The following TRA2B variants were observed in gnomAD, a reference collection of about 807,000 sequenced individuals.
TRA2B encodes the protein transformer-2 protein homolog beta.
TRA2B carries 14 observed loss-of-function variants against 41.7 expected under a neutral mutation model. The observed-to-expected ratio is 0.34, with a 90% CI of 0.22 to 0.53. TRA2B has a LOEUF of 0.53. Among genes scored for constraint, TRA2B ranks in the 20% least tolerant of loss-of-function variants. TRA2B has a pLI of 0.95. For synonymous variants in TRA2B, 130 were observed against 128.8 expected, an observed-to-expected ratio of 1.01 and a Z score of -0.06; for missense variants, 167 against 396.8, an observed-to-expected ratio of 0.42 and a Z score of 4.92.
intron 1 of TRA2B, chr3:185,937,137 GCAT>G (rs1744393863): frequency 1.0e-6 from 1 of 985,430 alleles, no homozygotes. Context: ...AGCCCTTTCG[GCAT>G]CAGAGAAAAG....
At position 185,914,711 on chromosome 3, in the gene TRA2B, G is replaced by C. The variant is rs1743443469; in HGVS notation, c.*3004C>G. On this transcript the variant is annotated 3_prime_UTR_variant, in exon 9 of 9. Coordinates refer to ENST00000453386, the MANE Select transcript of TRA2B (RefSeq NM_004593.3). ...TAGCATTAAGTCCAATCCTACAAGA[G>C]CCAATCAAAATCCACTGAGATGGCA... Among the ~76,000 whole-genome samples the C allele has an allele frequency of 6.6e-6, 1 of 152,108 alleles. No homozygotes were observed. The highest frequency in any genetic ancestry group is 6.6e-5 in the Admixed American group (1 of 15,266).
intron 1 of TRA2B, chr3:185,927,957 A>G (rs567674470): frequency 6.6e-6 from 1 of 152,342 alleles, no homozygotes; most frequent in East Asian, 1.9e-4. Flanking sequence ...CAGAAATGGC[A>G]AGACTCAAAA....
At chr3:185,933,383 A>G (rs1490372268) in intron 1 of TRA2B, among the ~76,000 whole-genome samples, 1 of 152,212 alleles carries the variant, frequency 6.6e-6, no homozygotes, top group Non-Finnish European at 1.5e-5. Flanking sequence ...TACTTTATAA[A>G]ACCAGAAGAT....
chr3:185,926,322 C>G (rs928904593), intron 2 of TRA2B, among the ~76,000 whole-genome samples: 1 of 149,766 alleles, frequency 6.7e-6, no homozygotes, highest in Non-Finnish European at 1.5e-5. Context: ...CTCACAACAA[C>G]CCTGAAGAAC....
Position 185,918,447 on chromosome 3 carries a change from A to C in TRA2B, c.783-9T>G, listed in dbSNP as rs756469772. ...GAGAAGGTGACCGCCTTCTATAAAC[A>C]AATGTCAAGATTGTCTAAGTCTCAA... On this transcript the variant is annotated splice_polypyrimidine_tract_variant and intron_variant, in intron 7 of 8. Transcript: ENST00000453386. The C allele has an allele frequency of 1.9e-6, 3 of 1,603,048 alleles. No individual in the cohort carries two copies. In the South Asian group the frequency reaches 3.3e-5, roughly 18 times the overall value.
rs1212120174 is a variant in TRA2B, at chr3:185,936,753, T to C, written c.36+1072A>G. The C allele has an allele frequency of 3.0e-6, 3 of 985,144 alleles. No homozygotes were observed. The African/African-American group carries it at 5.2e-5, about 17-fold the overall frequency. 61.0% of individuals were successfully genotyped at this position (985,144 alleles called of 1,614,324 possible). A position where few individuals can be genotyped will look rare whatever the true frequency, so the allele number is the denominator to read the frequency against. ...TTCTATGGTGCTTTTCTATCACCCT[T>C]CTAACAGATTCCTCTTAATTCTAGC... On this transcript the variant is annotated intron_variant, in intron 1 of 8. Transcript: ENST00000453386.
intron 3 of TRA2B, 98 bp downstream of exon 3, chr3:185,925,365 CG>C (rs1743907250): frequency 7.2e-7 from 1 of 1,388,652 alleles, no homozygotes; most frequent in Non-Finnish European, 9.8e-7. Flanking sequence ...ATTTCACTCA[CG>C]CACCAACTGC....
rs1217546191 is a variant in TRA2B, at chr3:185,916,935, A to G, written c.*780T>C. ...AGCACCCGGTTTTTTCATATAGTCT[A>G]AAAGCTAGAAGAACAAGAGTGTATT... On this transcript the variant is annotated 3_prime_UTR_variant, in exon 9 of 9. Coordinates refer to ENST00000453386, the MANE Select transcript of TRA2B (RefSeq NM_004593.3). 2.0e-5 allele frequency: 3 copies of G among 152,646 alleles called. No individual in the cohort carries two copies. Among genetic ancestry groups the G allele is most frequent in the African/African-American group, 7.2e-5 (3 of 41,472 alleles). The allele number at this position is 152,646 out of a possible 1,614,324, so 9.5% of individuals were successfully genotyped here.
chr3:185,921,301 T>A, intron 5 of TRA2B, 114 bp from the exon 6 acceptor site: 1 of 866,912 alleles, frequency 1.2e-6, no homozygotes. Flanking sequence ...TTATTCCTGT[T>A]AAAATTCTCA....
chr3:185,919,550 A>C (rs779480713), intron 6 of TRA2B, 54 bp from the exon 7 acceptor site: 29 of 1,455,604 alleles, frequency 2.0e-5, no homozygotes, highest in Non-Finnish European at 2.6e-5. Flanking sequence ...GTTTTAAAAA[A>C]TTATGTCATT....
chr3:185,923,946 C>A lies in TRA2B; in HGVS notation c.372G>T (p.Gly124=). 1 of 1,613,210 alleles carries A rather than the reference C, an allele frequency of 6.2e-7. No homozygotes were observed. Among genetic ancestry groups the A allele is most frequent in the African/African-American group, 1.3e-5 (1 of 74,920 alleles). ...PDPNCCLGVF[G]LSLYTTERDL... Reference sequence around the variant, plus strand: ...CTCTTTCTGTGGTGTACAAGCTCAGCCCAAATACTCCAAGACAACAGTTAG... The same window carrying A: ...CTCTTTCTGTGGTGTACAAGCTCAGACCAAATACTCCAAGACAACAGTTAG... The change falls in exon 4 of 9, where the codon GGG becomes GGT. Residue 124 remains glycine (G), a synonymous_variant. Coordinates refer to ENST00000453386, the MANE Select transcript of TRA2B (RefSeq NM_004593.3).
At chr3:185,933,213 T>C (rs2300921) in intron 1 of TRA2B, among the ~76,000 whole-genome samples, 53,711 of 152,034 alleles carry the variant, frequency 0.35, 9,849 homozygotes, top group Non-Finnish European at 0.42. Context: ...ATAGAGGCCA[T>C]AGCTCTAGCT....
At chr3:185,934,889 T>C (rs1260138418) in intron 1 of TRA2B, 18 of 985,332 alleles carry the variant, frequency 1.8e-5, no homozygotes, top group South Asian at 9.4e-5. Flanking sequence ...GCCAGTATTC[T>C]ATCAGAGTAT....
At chr3:185,934,906 G>A (rs1368104538) in intron 1 of TRA2B, 1 of 985,176 alleles carries the variant, frequency 1.0e-6, no homozygotes, top group African/African-American at 1.7e-5. Flanking sequence ...GTATCTGCTG[G>A]GTCAAAACAT....
chr3:185,935,861 T>G (rs1744331305), intron 1 of TRA2B: 1 of 985,306 alleles, frequency 1.0e-6, no homozygotes, highest in East Asian at 1.1e-4. Flanking sequence ...CGTAAAAGTT[T>G]AGAGATCTCG....
rs921071509 is a variant in TRA2B, at chr3:185,935,744, G to T, written c.36+2081C>A. 4.5e-5 allele frequency: 44 copies of T among 985,236 alleles called. No individual in the cohort carries two copies. In the African/African-American group the frequency reaches 6.5e-4, roughly 14 times the overall value. The allele number at this position is 985,236 out of a possible 1,614,324, so 61.0% of individuals were successfully genotyped here. A position where few individuals can be genotyped will look rare whatever the true frequency, so the allele number is the denominator to read the frequency against. ...TTTATGGTTTTCCCAAGCTTGCTTTGGAAGCCTAGACACGTGTTTGATTCA... is the reference window on the plus strand; with the variant it reads ...TTTATGGTTTTCCCAAGCTTGCTTTTGAAGCCTAGACACGTGTTTGATTCA... On this transcript the variant is annotated intron_variant, in intron 1 of 8. Transcript: ENST00000453386.
At chr3:185,935,695 T>TA in intron 1 of TRA2B, 1 of 985,486 alleles carries the variant, frequency 1.0e-6, no homozygotes, top group Non-Finnish European at 1.2e-6. Context: ...CAGGCATGTC[T>TA]AAGATCAAGC....
intron 4 of TRA2B, chr3:185,922,401 AGCCTGTAGGT>A: frequency 3.9e-6 from 1 of 256,910 alleles, no homozygotes. Flanking sequence ...GGCAAACTAT[AGCCTGTAGGT>A]CAAATCTGGC....
chr3:185,935,159 C>A (rs16860342), intron 1 of TRA2B: 2 of 985,038 alleles, frequency 2.0e-6, no homozygotes, highest in Admixed American at 1.2e-4. Context: ...GCCAGGAGTG[C>A]CTCTTTTTAC....
Sources: gnomAD v4.1 joint callset for allele counts (sites outside exome capture counted in the v4.1 genomes callset) on GRCh38, gnomAD v4.1.1 for gene constraint, MANE v1.5 for transcripts, NCBI Gene and HGNC (gene_info 2026-07-23, HGNC 2026-07-21) for gene names.